MTUS1: variants seen among roughly 807,000 people sequenced by gnomAD.
The protein encoded by MTUS1 is microtubule-associated tumor suppressor 1.
Under a neutral mutation model 120.8 loss-of-function variants are expected in MTUS1, and 109 were observed. That is an observed-to-expected ratio of 0.90 (90% CI 0.77 to 1.06). MTUS1 has a LOEUF of 1.06. Ranked by LOEUF, MTUS1 falls within the 50% of genes least tolerant of loss-of-function variation. MTUS1 has a pLI of 0.00. For missense variants in MTUS1, 2,210 were observed against 1,486.3 expected (o/e 1.49, Z -8.01); for synonymous variants, 737 against 550.5 (o/e 1.34, Z -4.74).
At chr8:17,716,044 C>G in intron 4 of MTUS1, 143 bp from the exon 5 acceptor site, 1 of 710,206 alleles carries the variant, frequency 1.4e-6, no homozygotes, top group South Asian at 1.9e-5. Context: ...GGGAATACAA[C>G]ATGGATAACA....
chr8:17,692,575 C>T (rs966570188), intron 6 of MTUS1, among the ~76,000 whole-genome samples: 2 of 152,116 alleles, frequency 1.3e-5, no homozygotes, highest in East Asian at 1.9e-4. Context: ...ATTAAACAAA[C>T]GCATTCACAT....
chr8:17,692,821 C>T (rs1418111382), intron 6 of MTUS1, among the ~76,000 whole-genome samples: 4 of 152,116 alleles, frequency 2.6e-5, no homozygotes, highest in Admixed American at 2.6e-4. Flanking sequence ...ACCTATATAA[C>T]AAACCTTTAC....
At chr8:17,725,342 C>T (rs1426437625) in intron 3 of MTUS1, among the ~76,000 whole-genome samples, 2 of 152,164 alleles carry the variant, frequency 1.3e-5, no homozygotes, top group Non-Finnish European at 2.9e-5. Flanking sequence ...GCTGAAGCTC[C>T]TCAGGCCTGG....
intron 1 of MTUS1, among the ~76,000 whole-genome samples, chr8:17,800,334 G>A (rs2052580913): frequency 6.6e-6 from 1 of 152,132 alleles, no homozygotes; most frequent in Non-Finnish European, 1.5e-5. Flanking sequence ...TTTTGCCTAA[G>A]ACTTTGGTTT....
At chr8:17,658,966 A>AC (rs1193072576) in intron 8 of MTUS1, among the ~76,000 whole-genome samples, 69 of 82,472 alleles carry the variant, frequency 8.4e-4, no homozygotes, top group African/African-American at 2.5e-3. Context: ...AAGATTTAAC[A>AC]TTAAAAAAAA....
chr8:17,771,776 T>A (rs1446536555), intron 1 of MTUS1, among the ~76,000 whole-genome samples: 3 of 152,250 alleles, frequency 2.0e-5, no homozygotes, highest in African/African-American at 4.8e-5. Context: ...GGAAAAGAGA[T>A]CGACTAACAT....
At chr8:17,785,155 TGATGGGGACACAATGCTGAACAA>T (rs1339284314) in intron 1 of MTUS1, among the ~76,000 whole-genome samples, 1 of 152,124 alleles carries the variant, frequency 6.6e-6, no homozygotes, top group African/African-American at 2.4e-5. Context: ...CTTTGCTAGG[TGATGGGGACACAATGCTGAACAA>T]GATGGTCCCA....
chr8:17,777,590 A>C (rs1586349401), intron 1 of MTUS1, among the ~76,000 whole-genome samples: 1 of 152,346 alleles, frequency 6.6e-6, no homozygotes, highest in East Asian at 1.9e-4. Context: ...GGATGGGACC[A>C]ACATACCAAG....
chr8:17,742,282 GTTGTTGTTGTTT>G (rs2047383311), intron 3 of MTUS1, among the ~76,000 whole-genome samples: 1 of 82,266 alleles, frequency 1.2e-5, no homozygotes, highest in African/African-American at 6.2e-5. Context: ...TTTTTTTTTT[GTTGTTGTTGTTT>G]TTTTTTTTTT....
At chr8:17,659,254 A>G (rs561042600) in intron 8 of MTUS1, among the ~76,000 whole-genome samples, 67 of 152,308 alleles carry the variant, frequency 4.4e-4, no homozygotes, top group African/African-American at 1.5e-3. Flanking sequence ...TGGGGCCTCT[A>G]CTGGAAGAGA....
chr8:17,659,832 G>A (rs114463397), intron 8 of MTUS1, among the ~76,000 whole-genome samples: 4,069 of 152,134 alleles, frequency 0.027, 143 homozygotes, highest in South Asian at 0.13. Context: ...TCTCCAGAAC[G>A]TTTCCCCCCA....
chr8:17,714,004 G>A (rs1821838171), intron 5 of MTUS1, among the ~76,000 whole-genome samples: 1 of 152,144 alleles, frequency 6.6e-6, no homozygotes, highest in Non-Finnish European at 1.5e-5. Context: ...CTACAAAGCT[G>A]TCCATGGAAT....
chr8:17,674,994 A>G (rs893142041), intron 8 of MTUS1, 192 bp downstream of exon 8: 2 of 1,403,610 alleles, frequency 1.4e-6, no homozygotes, highest in Non-Finnish European at 1.8e-6. Flanking sequence ...AGTGCCAGGA[A>G]TTCTGTGAAC....
chr8:17,755,728 T>C lies in MTUS1; in HGVS notation c.80A>G (p.His27Arg), dbSNP rs769207264. 38 of 1,614,056 alleles carry C rather than the reference T, an allele frequency of 2.4e-5. No individual in the cohort carries two copies. In the Admixed American group the frequency reaches 6.3e-4, roughly 27 times the overall value. The stretch of plus-strand genomic sequence containing the variant: ...AGGTGGTGATTTCGGGTTGTATGCA[T>C]GTGTATTTCCATCTTTATCACTGGT... ...FFTSDKDGNTHAYNPKSPPTQ... is the reference protein window; with the variant it reads ...FFTSDKDGNTRAYNPKSPPTQ... Residue 27 changes from histidine to arginine, a missense_variant, in exon 2 of 15, where the codon CAT becomes CGT. Coordinates refer to ENST00000693296, the MANE Select transcript of MTUS1 (RefSeq NM_001363059.2).
intron 2 of MTUS1, among the ~76,000 whole-genome samples, chr8:17,747,930 C>T (rs1181082524): frequency 1.3e-5 from 2 of 152,140 alleles, no homozygotes; most frequent in East Asian, 1.9e-4. Context: ...AGAAAACTCT[C>T]CCTTATAATA....
intron 1 of MTUS1, among the ~76,000 whole-genome samples, chr8:17,756,216 A>C (rs990673222): frequency 6.6e-6 from 1 of 152,226 alleles, no homozygotes; most frequent in Non-Finnish European, 1.5e-5. Context: ...CCCTGACTTT[A>C]TAACTGATAT....
chr8:17,739,577 T>C, intron 3 of MTUS1, among the ~76,000 whole-genome samples: 1 of 152,228 alleles, frequency 6.6e-6, no homozygotes, highest in East Asian at 1.9e-4. Flanking sequence ...AATAATGTGT[T>C]GGTTAACAGC....
chr8:17,677,688 A>G (rs1223348311), intron 7 of MTUS1, among the ~76,000 whole-genome samples: 1 of 152,174 alleles, frequency 6.6e-6, no homozygotes, highest in Non-Finnish European at 1.5e-5. Flanking sequence ...AATGCCTCAG[A>G]AACTACTGAC....
chr8:17,647,381 C>A, intron 13 of MTUS1: 5 of 247,134 alleles, frequency 2.0e-5, no homozygotes, highest in African/African-American at 4.6e-5. Context: ...CTTTCTGTTT[C>A]AATGTGAAAT....
Sources: allele counts gnomAD v4.1 joint callset (sites outside exome capture counted in the v4.1 genomes callset), GRCh38; gene constraint gnomAD v4.1.1; transcripts MANE v1.5; gene names NCBI Gene and HGNC (gene_info 2026-07-23, HGNC 2026-07-21).